The following MANEA variants were observed in gnomAD, a reference collection of about 807,000 sequenced individuals.
MANEA encodes the protein mannosidase endo-alpha.
MANEA carries 25 observed loss-of-function variants against 36.8 expected under a neutral mutation model. That is an observed-to-expected ratio of 0.68 (90% CI 0.50 to 0.95). The LOEUF (loss-of-function observed/expected upper bound fraction) is 0.95, where lower values mean the gene tolerates loss of function less well. Ranked by LOEUF, MANEA falls within the 40% of genes least tolerant of loss-of-function variation. The probability of loss-of-function intolerance (pLI) is 0.00; values close to 1 mark genes in which losing one functional copy is unlikely to be tolerated. For missense variants in MANEA, 565 were observed against 558.8 expected (o/e 1.01, Z -0.11); for synonymous variants, 198 against 188.5 (o/e 1.05, Z -0.41).
intron 1 of MANEA, among the ~76,000 whole-genome samples, chr6:95,579,377 C>G (rs1286025065): frequency 1.3e-5 from 2 of 151,204 alleles, no homozygotes; most frequent in Admixed American, 1.3e-4. Flanking sequence ...ATCTCAAAAA[C>G]AAAACAAAAC....
At chr6:95,589,058 CT>C (rs1457562767) in intron 2 of MANEA, among the ~76,000 whole-genome samples, 1 of 151,852 alleles carries the variant, frequency 6.6e-6, no homozygotes, top group Non-Finnish European at 1.5e-5. Context: ...AAATATTTTA[CT>C]TTTTGATGGA....
At chr6:95,591,328 A>G (rs1009410091) in intron 2 of MANEA, among the ~76,000 whole-genome samples, 3 of 152,100 alleles carry the variant, frequency 2.0e-5, no homozygotes, top group Admixed American at 6.6e-5. Context: ...TTCATCACCT[A>G]TGGAATTCTC....
At chr6:95,595,502 A>G (rs1459414267) in intron 2 of MANEA, among the ~76,000 whole-genome samples, 2 of 152,122 alleles carry the variant, frequency 1.3e-5, no homozygotes, top group African/African-American at 2.4e-5. Context: ...GTTGTCCTAG[A>G]TGGGACTTAC....
intron 1 of MANEA, among the ~76,000 whole-genome samples, chr6:95,578,663 A>G (rs1769121911): frequency 6.6e-6 from 1 of 152,200 alleles, no homozygotes. Context: ...AAAAATCACA[A>G]CAATGAAAAC....
intron 3 of MANEA, among the ~76,000 whole-genome samples, chr6:95,599,137 G>T (rs74461944): frequency 0.034 from 5,145 of 152,176 alleles, 104 homozygotes; most frequent in Non-Finnish European, 0.051. Flanking sequence ...TTTAAAGAAG[G>T]TAAAACATGG....
rs1202739788 is a variant in MANEA at position 95,608,395 on chromosome 6, A to G, written c.*1990A>G. On this transcript the variant is annotated 3_prime_UTR_variant, in exon 5 of 5. Coordinates refer to ENST00000358812, the MANE Select transcript of MANEA (RefSeq NM_024641.4). Reference sequence around the variant, plus strand: ...TAGTTATGAGATTAAGGGAAAATCTATAAAAACAAGGTTAGCATATTCTCA... The same window carrying G: ...TAGTTATGAGATTAAGGGAAAATCTGTAAAAACAAGGTTAGCATATTCTCA... The G allele has an allele frequency of 1.3e-5, 2 of 151,906 alleles. No homozygotes were observed. The highest frequency in any genetic ancestry group is 2.9e-5 in the Non-Finnish European group (2 of 67,804). 9.4% of individuals were successfully genotyped at this position (151,906 alleles called of 1,614,324 possible).
chr6:95,593,994 G>A (rs541446533), intron 2 of MANEA, among the ~76,000 whole-genome samples: 5 of 152,070 alleles, frequency 3.3e-5, no homozygotes, highest in East Asian at 3.9e-4. Flanking sequence ...CCTGGGAGGC[G>A]GAGGTTGCAG....
At chr6:95,603,675 T>C (rs1433901100) in intron 3 of MANEA, among the ~76,000 whole-genome samples, 1 of 152,070 alleles carries the variant, frequency 6.6e-6, no homozygotes, top group Non-Finnish European at 1.5e-5. Flanking sequence ...TAGAAGTCTC[T>C]AGTTCCATAA....
rs1222872752 is a variant in MANEA at position 95,607,865 on chromosome 6, A to T, written c.*1460A>T. ...TAAAAAATAATGCCTATAAATCTTC[A>T]GAGTATAAAGACATCCATTCAGAAA... On this transcript the variant is annotated 3_prime_UTR_variant, in exon 5 of 5. Transcript: ENST00000358812. 1 of 151,788 alleles carries T rather than the reference A, an allele frequency of 6.6e-6. No homozygotes were observed. The highest frequency in any genetic ancestry group is 1.5e-5 in the Non-Finnish European group (1 of 67,772). The allele number at this position is 151,788 out of a possible 1,614,324, so 9.4% of individuals were successfully genotyped here.
chr6:95,590,131 TA>T (rs2127940684), intron 2 of MANEA: 1 of 152,280 alleles, frequency 6.6e-6, no homozygotes, highest in African/African-American at 2.4e-5. Flanking sequence ...GATCTTAGCA[TA>T]TTAAGACCCA....
intron 2 of MANEA, among the ~76,000 whole-genome samples, chr6:95,592,285 A>G (rs1769398614): frequency 6.6e-6 from 1 of 152,126 alleles, no homozygotes; most frequent in African/African-American, 2.4e-5. Flanking sequence ...TAGTTCCCAT[A>G]TCTCTGCTGA....
intron 2 of MANEA, among the ~76,000 whole-genome samples, chr6:95,591,820 C>T (rs754868979): frequency 7.9e-5 from 12 of 152,260 alleles, no homozygotes; most frequent in Admixed American, 3.9e-4. Context: ...TCTCCTGCCT[C>T]ACCCTCCCAA....
intron 2 of MANEA, among the ~76,000 whole-genome samples, chr6:95,589,323 G>C (rs1769341940): frequency 6.6e-6 from 1 of 152,076 alleles, no homozygotes; most frequent in Admixed American, 6.6e-5. Flanking sequence ...ATGGTTGACT[G>C]TGCTTTGACT....
rs1769291757 is a variant in MANEA at position 95,586,796 on chromosome 6, A to G, written c.357A>G (p.Lys119=). 1 of 1,613,806 alleles carries G rather than the reference A, an allele frequency of 6.2e-7. No homozygotes were observed. Among genetic ancestry groups the G allele is most frequent in the South Asian group, 1.1e-5 (1 of 91,078 alleles). ...ATGGAAATCCACAATTTGATGGTAA[A>G]TATATACATTGGAATCATCCAGTGT... ...SWYGNPQFDG[K]YIHWNHPVLE... is the part of the protein sequence containing the mutation. Residue 119 remains lysine, a synonymous_variant, in exon 2 of 5, where the codon AAA becomes AAG. Coordinates refer to ENST00000358812, the MANE Select transcript of MANEA (RefSeq NM_024641.4).
At chr6:95,586,139 C>T (rs563490478) in intron 1 of MANEA, among the ~76,000 whole-genome samples, 12 of 152,224 alleles carry the variant, frequency 7.9e-5, no homozygotes, top group Non-Finnish European at 5.9e-5. Flanking sequence ...CCTAAAGGTT[C>T]GTCTGACTAA....
At chr6:95,604,061 G>GGTGTGTGTGTGTGTGT (rs71012509) in intron 3 of MANEA, among the ~76,000 whole-genome samples, 13,275 of 138,214 alleles carry the variant, frequency 0.096, 866 homozygotes, top group Middle Eastern at 0.19. Flanking sequence ...TATGTATGTA[G>GGTGTGTGTGTGTGTGT]GTGTGTGTGT....
At chr6:95,577,860 G>A (rs960755170) in intron 1 of MANEA, among the ~76,000 whole-genome samples, 1 of 152,248 alleles carries the variant, frequency 6.6e-6, no homozygotes, top group Non-Finnish European at 1.5e-5. Context: ...TCTTAGGCCT[G>A]TTTTAGTCTG....
chr6:95,604,902 A>C lies in MANEA; in HGVS notation c.730A>C (p.Lys244Gln), dbSNP rs1171273969. The C allele has an allele frequency of 1.3e-5, 17 of 1,267,316 alleles. No homozygotes were observed. Among genetic ancestry groups the C allele is most frequent in the African/African-American group, 3.1e-5 (2 of 65,056 alleles). 78.5% of individuals were successfully genotyped at this position (1,267,316 alleles called of 1,614,324 possible). A position where few individuals can be genotyped will look rare whatever the true frequency, so the allele number is the denominator to read the frequency against. ...CAAAAATGTCAAGTATATTATAGAC[A>C]AGTGAGTTTCTTCAATATTTATAAA... ...MYKNVKYIIDKYGNHPAFYRY... is the reference protein window; with the variant it reads ...MYKNVKYIIDQYGNHPAFYRY... The change falls in exon 4 of 5, where the codon AAA (lysine) becomes CAA (glutamine). Residue 244 changes from lysine (K) to glutamine (Q), a missense_variant and splice_region_variant. Coordinates refer to ENST00000358812, the MANE Select transcript of MANEA (RefSeq NM_024641.4).
intron 2 of MANEA, 152 bp downstream of exon 2, chr6:95,587,135 C>T (rs907405131): frequency 1.2e-5 from 7 of 575,392 alleles, no homozygotes; most frequent in Non-Finnish European, 2.2e-5. Context: ...TGATCTTAAA[C>T]ATCCAGGCAA....
Sources: allele counts gnomAD v4.1 joint callset (sites outside exome capture counted in the v4.1 genomes callset), GRCh38; gene constraint gnomAD v4.1.1; transcripts MANE v1.5; gene names NCBI Gene and HGNC (gene_info 2026-07-23, HGNC 2026-07-21).